The following NLGN1 variants were observed in gnomAD, a reference collection of about 807,000 sequenced individuals.
The protein encoded by NLGN1 is neuroligin 1.
Under a neutral mutation model 65.5 loss-of-function variants are expected in NLGN1, and 12 were observed. That is an observed-to-expected ratio of 0.18 (90% CI 0.12 to 0.30). The LOEUF is 0.30. Among genes scored for constraint, NLGN1 ranks in the 10% least tolerant of loss-of-function variants. The probability of loss-of-function intolerance (pLI) is 1.00; values close to 1 mark genes in which losing one functional copy is unlikely to be tolerated. For missense variants in NLGN1, 750 were observed against 1,007.1 expected, an observed-to-expected ratio of 0.74 and a Z score of 3.46; for synonymous variants, 350 against 359.5, an observed-to-expected ratio of 0.97 and a Z score of 0.30.
chr3:173,745,359 A>G (rs1775204444), intron 3 of NLGN1, among the ~76,000 whole-genome samples: 1 of 152,124 alleles, frequency 6.6e-6, no homozygotes, highest in Non-Finnish European at 1.5e-5. Context: ...TTAAAGTAGT[A>G]GATCCTTGGA....
chr3:173,998,442 C>T (rs572807031), intron 4 of NLGN1, among the ~76,000 whole-genome samples: 105 of 152,216 alleles, frequency 6.9e-4, no homozygotes, highest in Non-Finnish European at 1.0e-3. Flanking sequence ...GCATGTGGCT[C>T]AAATAAATTA....
At chr3:173,803,094 G>T (rs1420723600) in intron 3 of NLGN1, among the ~76,000 whole-genome samples, 2 of 152,154 alleles carry the variant, frequency 1.3e-5, no homozygotes, top group Non-Finnish European at 2.9e-5. Context: ...ACCTGCCTCA[G>T]CCTCCCACAG....
chr3:174,275,278 CA>C, intron 4 of NLGN1, 36 bp from the exon 5 acceptor site: 1 of 1,485,382 alleles, frequency 6.7e-7, no homozygotes, highest in Non-Finnish European at 9.4e-7. Context: ...TGATTCACGT[CA>C]GCTCAAAACG....
chr3:173,937,332 G>C (rs559622821), intron 4 of NLGN1, among the ~76,000 whole-genome samples: 4 of 152,104 alleles, frequency 2.6e-5, no homozygotes, highest in African/African-American at 9.6e-5. Flanking sequence ...ACCCATCAAT[G>C]AGAGGTGTTG....
Position 174,279,047 on chromosome 3 carries a change from C to T in NLGN1, c.1046C>T (p.Pro349Leu), listed in dbSNP as rs756625537. 1 of 1,609,334 alleles carries T rather than the reference C, an allele frequency of 6.2e-7. No individual in the cohort carries two copies. Among genetic ancestry groups the T allele is most frequent in the South Asian group, 1.1e-5 (1 of 90,168 alleles). Residue 349 changes from proline (P) to leucine (L), a missense_variant, in exon 6 of 7, where the codon CCA (proline) becomes CTA (leucine). Physicochemically the swap from Pro to Leu is moderately conservative, Grantham distance 98 (BLOSUM62 -3). Coordinates refer to ENST00000457714, the Ensembl canonical transcript of NLGN1. This position sits in a 1 kb window ranked among gnomAD's most constrained non-coding sequence, Gnocchi z 4.7. ...GAACTTGTTGACCAAGATATTCAACCAGCTCGATACCACATAGCCTTTGGA... is the reference window on the plus strand; with the variant it reads ...GAACTTGTTGACCAAGATATTCAACTAGCTCGATACCACATAGCCTTTGGA...
At chr3:173,754,024 C>T (rs1399369540) in intron 3 of NLGN1, among the ~76,000 whole-genome samples, 7 of 121,584 alleles carry the variant, frequency 5.8e-5, no homozygotes, top group South Asian at 2.6e-4. Flanking sequence ...TCTTTCTTTT[C>T]TTTTTTTTTT....
intron 3 of NLGN1, among the ~76,000 whole-genome samples, chr3:173,706,278 G>T (rs1050854293): frequency 6.6e-6 from 1 of 152,036 alleles, no homozygotes; most frequent in Non-Finnish European, 1.5e-5. Flanking sequence ...TAACAATATG[G>T]GGAGGACTTA....
intron 2 of NLGN1, among the ~76,000 whole-genome samples, chr3:173,579,275 G>A (rs553207673): frequency 1.3e-5 from 2 of 152,286 alleles, no homozygotes; most frequent in Non-Finnish European, 2.9e-5. Context: ...GAAGTTCAAG[G>A]CTAGCCTGGG....
At chr3:173,987,843 T>G (rs543385693) in intron 4 of NLGN1, among the ~76,000 whole-genome samples, 16 of 152,186 alleles carry the variant, frequency 1.1e-4, no homozygotes, top group Admixed American at 2.0e-4. Context: ...ACTTCTGAAT[T>G]CTCACTTGTA....
At chr3:173,661,377 T>A (rs1394578071) in intron 3 of NLGN1, among the ~76,000 whole-genome samples, 2 of 151,962 alleles carry the variant, frequency 1.3e-5, no homozygotes, top group East Asian at 3.9e-4. Context: ...TTTCCTAACA[T>A]TCCATGGCTC....
chr3:174,183,890 A>C (rs1730910761), intron 4 of NLGN1, among the ~76,000 whole-genome samples: 1 of 152,200 alleles, frequency 6.6e-6, no homozygotes, highest in Admixed American at 6.6e-5. Context: ...TGGTGAGAGC[A>C]GTCAATGTTC....
chr3:174,029,999 A>C (rs917282852), intron 4 of NLGN1, among the ~76,000 whole-genome samples: 1 of 152,196 alleles, frequency 6.6e-6, no homozygotes, highest in Admixed American at 6.5e-5. Flanking sequence ...AGAACAGATT[A>C]ATACAATAGC....
At chr3:173,990,791 A>G (rs1720928990) in intron 4 of NLGN1, among the ~76,000 whole-genome samples, 1 of 152,182 alleles carries the variant, frequency 6.6e-6, no homozygotes, top group Non-Finnish European at 1.5e-5. Flanking sequence ...AATGAAAGAT[A>G]TTAATTCTAT....
At chr3:174,154,980 T>TAATATAATATATAATTATATA (rs1561174931) in intron 4 of NLGN1, among the ~76,000 whole-genome samples, 1 of 122,272 alleles carries the variant, frequency 8.2e-6, no homozygotes, top group African/African-American at 3.2e-5. Flanking sequence ...ATATAATATA[T>TAATATAATATATAATTATATA]TATATTATAT....
At chr3:173,977,092 T>TACGCAC (rs1717635236) in intron 4 of NLGN1, among the ~76,000 whole-genome samples, 1 of 150,090 alleles carries the variant, frequency 6.7e-6, no homozygotes, top group Non-Finnish European at 1.5e-5. Flanking sequence ...AGGAAAAAGA[T>TACGCAC]ACACACACAC....
chr3:173,545,693 A>G (rs1271090077), intron 2 of NLGN1, among the ~76,000 whole-genome samples: 1 of 152,132 alleles, frequency 6.6e-6, no homozygotes, highest in Non-Finnish European at 1.5e-5. Context: ...GGGAACCAAC[A>G]CAAATGCCCA....
At chr3:173,693,452 C>T (rs900863846) in intron 3 of NLGN1, among the ~76,000 whole-genome samples, 5 of 151,904 alleles carry the variant, frequency 3.3e-5, no homozygotes, top group African/African-American at 1.2e-4. Context: ...TTACCAATAC[C>T]TTCAAACATA....
intron 3 of NLGN1, among the ~76,000 whole-genome samples, chr3:173,650,133 G>A (rs1218473989): frequency 6.9e-6 from 1 of 144,262 alleles, no homozygotes; most frequent in African/African-American, 2.7e-5. Context: ...CTTTCTTACA[G>A]TTTGATTTTT....
chr3:174,071,717 CAAAA>C (rs539244392), intron 4 of NLGN1, among the ~76,000 whole-genome samples: 7 of 93,014 alleles, frequency 7.5e-5, no homozygotes, highest in Non-Finnish European at 7.2e-5. Context: ...GACCCTGTCC[CAAAA>C]AAAAAAAAAA....
Sources: gnomAD v4.1 joint callset for allele counts (sites outside exome capture counted in the v4.1 genomes callset) on GRCh38, gnomAD v4.1.1 for gene constraint, Gnocchi (gnomAD v3.1) non-coding constraint, MANE v1.5 for transcripts, NCBI Gene and HGNC (gene_info 2026-07-23, HGNC 2026-07-21) for gene names.